Variants in EFHC1 observed in about 807,000 individuals in gnomAD.
EFHC1 encodes the protein EF-hand domain-containing protein 1.
A neutral mutation model predicts 69.9 loss-of-function variants in EFHC1; 53 were observed. That is an observed-to-expected ratio of 0.76 (90% confidence interval 0.61 to 0.95). The LOEUF is 0.95. Among genes scored for constraint, EFHC1 ranks in the 40% least tolerant of loss-of-function variants. The pLI, the probability that EFHC1 is intolerant of heterozygous loss-of-function variation, is 0.00. For missense variants in EFHC1, 739 were observed against 798.7 expected (o/e 0.93, Z 0.90); for synonymous variants, 256 against 278.4 (o/e 0.92, Z 0.80).
intron 7 of EFHC1, among the ~76,000 whole-genome samples, chr6:52,471,190 A>C (rs1765428906): frequency 6.6e-6 from 1 of 152,146 alleles, no homozygotes; most frequent in South Asian, 2.1e-4. Flanking sequence ...AAACATTGGA[A>C]TCTATTTAGG....
chr6:52,449,572 G>C (rs1371776067), intron 3 of EFHC1, among the ~76,000 whole-genome samples: 1 of 152,104 alleles, frequency 6.6e-6, no homozygotes, highest in Non-Finnish European at 1.5e-5. Context: ...ATGTGTCCAG[G>C]AATTTATCCA....
At chr6:52,477,310 A>G (rs183819422) in intron 7 of EFHC1, among the ~76,000 whole-genome samples, 2 of 152,352 alleles carry the variant, frequency 1.3e-5, no homozygotes, top group Non-Finnish European at 2.9e-5. Flanking sequence ...ATATGAGAAA[A>G]TTATTTTACT....
At chr6:52,471,821 T>C (rs1765441582) in intron 7 of EFHC1, among the ~76,000 whole-genome samples, 1 of 152,056 alleles carries the variant, frequency 6.6e-6, no homozygotes, top group Non-Finnish European at 1.5e-5. Flanking sequence ...TGAGCCAAGA[T>C]TGTGCCACTG....
intron 9 of EFHC1, chr6:52,482,715 G>A (rs2114027933): frequency 7.5e-6 from 3 of 398,070 alleles, no homozygotes; most frequent in Non-Finnish European, 1.3e-5. Flanking sequence ...TTAATGTGAA[G>A]CATTTTATAG....
At chr6:52,447,988 A>G (rs1002789280) in intron 3 of EFHC1, among the ~76,000 whole-genome samples, 2 of 152,162 alleles carry the variant, frequency 1.3e-5, no homozygotes, top group Non-Finnish European at 2.9e-5. Flanking sequence ...CCCTACTGGG[A>G]GGTGTCTCCC....
chr6:52,425,435 G>A (rs1165504709), intron 2 of EFHC1, among the ~76,000 whole-genome samples: 1 of 152,140 alleles, frequency 6.6e-6, no homozygotes, highest in Non-Finnish European at 1.5e-5. Flanking sequence ...TAAAGTAGAA[G>A]GTGATAAAGT....
intron 5 of EFHC1, among the ~76,000 whole-genome samples, chr6:52,460,398 G>A (rs1765139132): frequency 6.6e-6 from 1 of 152,208 alleles, no homozygotes; most frequent in Non-Finnish European, 1.5e-5. Flanking sequence ...AAAAGGTCAT[G>A]AGGAGACTTT....
rs372715530 is a variant in EFHC1 at position 52,455,598 on chromosome 6, G to A, written c.916+1311G>A. Among the ~76,000 whole-genome samples, 12 of 151,924 alleles carry A rather than the reference G, an allele frequency of 7.9e-5. No homozygotes were observed. The South Asian group carries it at 1.0e-3, about 13-fold the overall frequency. On this transcript the variant is annotated intron_variant, in intron 5 of 10. Transcript: ENST00000371068. Reference sequence around the variant, plus strand: ...GAACCCGGGAGGTGGAGGTTGTGGCGAGCCAAGATCGTGCCACTGCACTCC... The same window carrying A: ...GAACCCGGGAGGTGGAGGTTGTGGCAAGCCAAGATCGTGCCACTGCACTCC...
chr6:52,442,508 A>G (rs546834430), intron 3 of EFHC1, among the ~76,000 whole-genome samples: 16 of 145,782 alleles, frequency 1.1e-4, no homozygotes, highest in African/African-American at 4.1e-4. Flanking sequence ...AAGTGTTCTC[A>G]TTGTTCAATT....
intron 7 of EFHC1, 110 bp downstream of exon 7, chr6:52,469,583 C>T (rs759677798): frequency 6.8e-7 from 1 of 1,480,980 alleles, no homozygotes; most frequent in Non-Finnish European, 9.3e-7. Context: ...TATGTGTTGA[C>T]TCAACCAACC....
intron 5 of EFHC1, 130 bp downstream of exon 5, chr6:52,454,417 A>G: frequency 1.8e-6 from 2 of 1,130,792 alleles, no homozygotes; most frequent in Non-Finnish European, 2.6e-6. Flanking sequence ...TGCTCAGAAA[A>G]TGGCTTCCCA....
intron 6 of EFHC1, chr6:52,469,123 C>T: frequency 1.7e-6 from 1 of 588,454 alleles, no homozygotes; most frequent in Non-Finnish European, 2.9e-6. Flanking sequence ...AGAGCATCAT[C>T]AGTTACTTCT....
chr6:52,490,550 T>A (rs1204815392), intron 10 of EFHC1, 200 bp downstream of exon 10: 1 of 621,922 alleles, frequency 1.6e-6, no homozygotes, highest in East Asian at 2.7e-5. Context: ...GCAGGGCATC[T>A]CTTTAAGTGG....
intron 2 of EFHC1, among the ~76,000 whole-genome samples, chr6:52,432,378 A>T (rs1764435663): frequency 6.6e-6 from 1 of 152,108 alleles, no homozygotes; most frequent in Admixed American, 6.5e-5. Context: ...TCTTTTTAGC[A>T]GTTCTTGTAG....
rs560981252 is a variant in EFHC1, at chr6:52,435,463, C to T, written c.286-2841C>T. On this transcript the variant is annotated intron_variant, in intron 2 of 10. Coordinates refer to ENST00000371068, the MANE Select transcript of EFHC1 (RefSeq NM_018100.4). ...AATTCAGTAAGTCTAAAATCAAACT[C>T]ACCATCTGCCATACCCAAATTATCT... Among the ~76,000 whole-genome samples, 5 of 152,304 alleles carry T rather than the reference C, an allele frequency of 3.3e-5. No individual in the cohort carries two copies. In the South Asian group the frequency reaches 6.2e-4, roughly 19 times the overall value.
rs746965960 is a variant in EFHC1 at position 52,424,001 on chromosome 6, T to C, written c.119T>C (p.Val40Ala). The change falls in exon 2 of 11, where the codon GTT becomes GCT. Residue 40 changes from valine to alanine, a missense_variant. By Grantham distance (64) the Val-to-Ala change is moderately conservative. Transcript: ENST00000371068. ...AGCTACAGGAACGGCTATGCAATTG[T>C]TCGACGTCCAACAGTTGGGATAGGC... ...TLSYRNGYAI[V>A]RRPTVGIGGD... is the part of the protein sequence containing the mutation. 5 of 1,614,214 alleles carry C rather than the reference T, an allele frequency of 3.1e-6. No homozygotes were observed. Among genetic ancestry groups the C allele is most frequent in the Non-Finnish European group, 4.2e-6 (5 of 1,180,050 alleles).
chr6:52,495,163 C>T lies in EFHC1; in HGVS notation c.*2822C>T, dbSNP rs1448394265. 3 of 453,966 alleles carry T rather than the reference C, an allele frequency of 6.6e-6. No homozygotes were observed. Among genetic ancestry groups the T allele is most frequent in the Non-Finnish European group, 1.3e-5 (3 of 226,792 alleles). The allele number at this position is 453,966 out of a possible 1,614,324, so 28.1% of individuals were successfully genotyped here. On this transcript the variant is annotated 3_prime_UTR_variant, in exon 11 of 11. Coordinates refer to ENST00000371068, the MANE Select transcript of EFHC1 (RefSeq NM_018100.4). ...GCTGACACACCTTCCAGGGTGTGCA[C>T]TCTCGCCATGTTCTCACCCAGATGG...
chr6:52,450,776 TG>T lies in EFHC1; in HGVS notation c.574-1910del, dbSNP rs1211903878. Among the ~76,000 whole-genome samples the T allele has an allele frequency of 2.0e-5, 3 of 152,088 alleles. No individual in the cohort carries two copies. In the East Asian group the frequency reaches 5.8e-4, roughly 29 times the overall value. On this transcript the variant is annotated intron_variant, in intron 3 of 10. Transcript: ENST00000371068. The stretch of plus-strand genomic sequence containing the variant: ...TTATCTAGCTTGTTATTCTGCATTG[TG>T]GTTTTTTTGTTTGTTTGTTTGTTTT...
intron 2 of EFHC1, among the ~76,000 whole-genome samples, chr6:52,437,886 G>A (rs1194070955): frequency 6.6e-6 from 1 of 152,038 alleles, no homozygotes; most frequent in Non-Finnish European, 1.5e-5. Context: ...GGGGATGAGG[G>A]GGACACAATT....
Sources: gnomAD v4.1 joint callset for allele counts (sites outside exome capture counted in the v4.1 genomes callset) on GRCh38, gnomAD v4.1.1 for gene constraint, MANE v1.5 for transcripts, NCBI Gene and HGNC (gene_info 2026-07-23, HGNC 2026-07-21) for gene names.